TUBGCP3: variants seen among roughly 807,000 people sequenced by gnomAD.
TUBGCP3 encodes gamma-tubulin complex component 3.
A neutral mutation model predicts 123.1 loss-of-function variants in TUBGCP3; 50 were observed. That is an observed-to-expected ratio of 0.41 (90% CI 0.32 to 0.51). TUBGCP3 has a LOEUF of 0.51. Ranked by LOEUF, TUBGCP3 falls within the 20% of genes least tolerant of loss-of-function variation. The pLI, the probability that TUBGCP3 is intolerant of heterozygous loss-of-function variation, is 0.36. For synonymous variants in TUBGCP3, 405 were observed against 413.9 expected (o/e 0.98, Z 0.26); for missense variants, 882 against 1,127.0 (o/e 0.78, Z 3.11).
rs546760115 is a variant in TUBGCP3 at position 112,492,369 on chromosome 13, T to C, written c.2449-2672A>G. Among the ~76,000 whole-genome samples the C allele has an allele frequency of 5.9e-5, 9 of 152,392 alleles. No homozygotes were observed. The East Asian group carries it at 1.7e-3, about 29-fold the overall frequency. On this transcript the variant is annotated intron_variant, in intron 20 of 21. Coordinates refer to ENST00000261965, the MANE Select transcript of TUBGCP3 (RefSeq NM_006322.6). The stretch of plus-strand genomic sequence containing the variant: ...TTTCTTTACACAAATTTTTAAAATA[T>C]ACTATTTTACTGTCGTGTAACACAT...
the TUBGCP3 span, among the ~76,000 whole-genome samples, chr13:112,595,885 G>A: frequency 5.3e-5 from 8 of 151,454 alleles, no homozygotes; most frequent in African/African-American, 1.9e-4. Context: ...TCTCTTTTTT[G>A]TGCTTTCCTG....
In TUBGCP3 at chr13:112,504,698, C is replaced by T. The variant is rs1170002311; in HGVS notation, c.2103G>A (p.Leu701=). The T allele has an allele frequency of 2.5e-6, 4 of 1,613,686 alleles. No individual in the cohort carries two copies. The highest frequency in any genetic ancestry group is 3.4e-6 in the Non-Finnish European group (4 of 1,179,770). ...LRNMPEFSGV[L]HQCHILASEM... ...CAGAGGCCAAAATGTGACACTGGTG[C>T]AGCACCCCGGAGAACTCTGCAAGGG... Residue 701 remains leucine (L), a synonymous_variant, in exon 18 of 22, where the codon CTG becomes CTA. Transcript: ENST00000261965.
At chr13:112,498,133 T>C (rs558618453) in intron 20 of TUBGCP3, among the ~76,000 whole-genome samples, 2 of 152,270 alleles carry the variant, frequency 1.3e-5, no homozygotes, top group South Asian at 2.1e-4. Context: ...TATATATACA[T>C]ATATACTTGC....
At chr13:112,523,166 T>C (rs1475902763) in intron 13 of TUBGCP3, among the ~76,000 whole-genome samples, 2 of 152,226 alleles carry the variant, frequency 1.3e-5, no homozygotes, top group Non-Finnish European at 2.9e-5. Flanking sequence ...AAAACTTATA[T>C]GAATACTTCA....
intron 19 of TUBGCP3, 94 bp downstream of exon 19, chr13:112,503,938 T>C: frequency 1.4e-6 from 2 of 1,430,408 alleles, no homozygotes; most frequent in Non-Finnish European, 1.9e-6. Context: ...TGTGGCTGCA[T>C]CAGGGCATTT....
intron 11 of TUBGCP3, among the ~76,000 whole-genome samples, chr13:112,530,635 G>A (rs993992270): frequency 1.3e-5 from 2 of 152,122 alleles, no homozygotes; most frequent in African/African-American, 4.8e-5. Context: ...ATCCACAGGG[G>A]TCCTAGAACC....
At chr13:112,602,137 C>T in the TUBGCP3 span, among the ~76,000 whole-genome samples, 1 of 152,144 alleles carries the variant, frequency 6.6e-6, no homozygotes, top group African/African-American at 2.4e-5. Flanking sequence ...AGCGAGCCCC[C>T]CAGGCTGTTG....
At chr13:112,531,707 A>G (rs1056235656) in intron 11 of TUBGCP3, among the ~76,000 whole-genome samples, 35 of 152,206 alleles carry the variant, frequency 2.3e-4, no homozygotes, top group African/African-American at 8.2e-4. Context: ...GCTTCATCTA[A>G]GGGCAAAGGA....
Position 112,545,729 on chromosome 13 carries a change from A to G in TUBGCP3, c.1305T>C (p.Tyr435=), listed in dbSNP as rs1878933237. The G allele has an allele frequency of 1.2e-6, 2 of 1,614,106 alleles. No homozygotes were observed. Among genetic ancestry groups the G allele is most frequent in the African/African-American group, 1.3e-5 (1 of 75,054 alleles). The part of the protein sequence containing the change: ...PVLSFLYRWI[Y]DGELEDTYHE... ...GGTAAGTGTCCTCAAGCTCCCCATC[A>G]TATATCCAGCGGTACAGGAAGCTCA... Residue 435 remains tyrosine (Y), a synonymous_variant, in exon 11 of 22, where the codon TAT becomes TAC. Coordinates refer to ENST00000261965, the MANE Select transcript of TUBGCP3 (RefSeq NM_006322.6). This position sits in a 1 kb window ranked among gnomAD's most constrained non-coding sequence, Gnocchi z 4.1.
upstream of TUBGCP3, among the ~76,000 whole-genome samples, chr13:112,592,737 G>T (rs747424339): frequency 1.3e-5 from 2 of 152,230 alleles, no homozygotes; most frequent in Non-Finnish European, 2.9e-5. The surrounding 1 kb of genome is among the most constrained non-coding windows in gnomAD (Gnocchi z 4.1). Flanking sequence ...TCTCGGAAGG[G>T]AGGTGCCTGG....
intron 19 of TUBGCP3, among the ~76,000 whole-genome samples, chr13:112,503,054 T>C (rs890819088): frequency 1.3e-5 from 2 of 152,172 alleles, no homozygotes; most frequent in Admixed American, 1.3e-4. Context: ...GTAAAGGCCC[T>C]GAAGTGGCGT....
At chr13:112,516,057 C>T (rs921377891) in intron 17 of TUBGCP3, among the ~76,000 whole-genome samples, 1 of 152,054 alleles carries the variant, frequency 6.6e-6, no homozygotes, top group African/African-American at 2.4e-5. Context: ...TTAAAATAAT[C>T]TTGACTATCT....
chr13:112,497,179 A>G (rs1217099490), intron 20 of TUBGCP3, among the ~76,000 whole-genome samples: 1 of 152,144 alleles, frequency 6.6e-6, no homozygotes, highest in African/African-American at 2.4e-5. Flanking sequence ...CATATTCCTT[A>G]TCACCCATTT....
Position 112,558,222 on chromosome 13 carries a change from C to T in TUBGCP3, c.522G>A (p.Ala174=), listed in dbSNP as rs747587326. 22 of 1,611,586 alleles carry T rather than the reference C, an allele frequency of 1.4e-5. No homozygotes were observed. The highest frequency in any genetic ancestry group is 2.2e-5 in the South Asian group (2 of 90,914). The part of the protein sequence containing the change: ...SIGLCALSGP[A]PAPQSLLPGQ... ...CTGGGAGGAGAGATTGTGGCGCAGG[C>T]GCGGGGCCACTGAGGGCACACAGGC... The change falls in exon 5 of 22, where the codon GCG becomes GCA. Residue 174 remains alanine (A), a synonymous_variant. Transcript: ENST00000261965.
chr13:112,530,944 A>G (rs1359871546), intron 11 of TUBGCP3, among the ~76,000 whole-genome samples: 1 of 151,984 alleles, frequency 6.6e-6, no homozygotes, highest in Non-Finnish European at 1.5e-5. Flanking sequence ...TTTCTATTAG[A>G]AAAAAAACAC....
intron 1 of TUBGCP3, among the ~76,000 whole-genome samples, chr13:112,576,439 T>C (rs180737269): frequency 3.9e-5 from 6 of 152,274 alleles, no homozygotes; most frequent in Non-Finnish European, 8.8e-5. Context: ...CGGTAGTTAA[T>C]GACAATAGAT....
At chr13:112,487,067 G>GTC (rs1365035067) in intron 21 of TUBGCP3, among the ~76,000 whole-genome samples, 4 of 144,748 alleles carry the variant, frequency 2.8e-5, no homozygotes, top group Non-Finnish European at 4.6e-5. Context: ...GTGTGTGTGT[G>GTC]TGTGTGTGTG....
chr13:112,523,783 C>T (rs565001890), intron 13 of TUBGCP3, among the ~76,000 whole-genome samples: 12 of 152,316 alleles, frequency 7.9e-5, no homozygotes, highest in African/African-American at 2.2e-4. Context: ...AGGCATCTCT[C>T]GTGCTCAGTT....
chr13:112,546,799 TTC>T (rs1879035629), intron 10 of TUBGCP3: 2 of 152,200 alleles, frequency 1.3e-5, no homozygotes, highest in South Asian at 4.2e-4. Context: ...TGTGCTCCAC[TTC>T]TCTCTTTTTT....
Sources: gnomAD v4.1 joint callset for allele counts (sites outside exome capture counted in the v4.1 genomes callset) on GRCh38, gnomAD v4.1.1 for gene constraint, Gnocchi (gnomAD v3.1) non-coding constraint, MANE v1.5 for transcripts, NCBI Gene and HGNC (gene_info 2026-07-23, HGNC 2026-07-21) for gene names.